The following PHF3 variants were observed in gnomAD, a reference collection of about 807,000 sequenced individuals.
PHF3 encodes the protein PHD finger protein 3.
PHF3 carries 41 observed loss-of-function variants against 178.4 expected under a neutral mutation model. The observed-to-expected ratio is 0.23, with a 90% CI of 0.18 to 0.30. PHF3 has a LOEUF of 0.30. PHF3 is among the 10% of genes least tolerant of loss of function. The probability of loss-of-function intolerance (pLI) is 1.00; values close to 1 mark genes in which losing one functional copy is unlikely to be tolerated. For synonymous variants in PHF3, 842 were observed against 800.5 expected, an observed-to-expected ratio of 1.05 and a Z score of -0.88; for missense variants, 2,346 against 2,398.1, an observed-to-expected ratio of 0.98 and a Z score of 0.45.
At chr6:63,671,022 G>A (rs1465585910) in intron 2 of PHF3, among the ~76,000 whole-genome samples, 1 of 151,920 alleles carries the variant, frequency 6.6e-6, no homozygotes, top group African/African-American at 2.4e-5. Flanking sequence ...GTTACAGAAT[G>A]AAGTGCCTAG....
chr6:63,661,616 C>T (rs1049384790), intron 2 of PHF3, among the ~76,000 whole-genome samples: 4 of 152,122 alleles, frequency 2.6e-5, no homozygotes, highest in African/African-American at 4.8e-5. Context: ...CAGGGGCTAA[C>T]ATCATGGTCT....
In PHF3 at chr6:63,659,687, C is replaced by T. The variant is rs983665272; in HGVS notation, c.244+12892C>T. Among the ~76,000 whole-genome samples the T allele has an allele frequency of 7.2e-5, 11 of 152,142 alleles. No homozygotes were observed. In the South Asian group the frequency reaches 1.4e-3, roughly 20 times the overall value. On this transcript the variant is annotated intron_variant, in intron 2 of 15. Coordinates refer to ENST00000262043, the MANE Select transcript of PHF3 (RefSeq NM_001370348.2). The stretch of plus-strand genomic sequence containing the variant: ...TTTTGGTATTTGCATTATACTTACT[C>T]GTTCAGCAAGCCAGCCTAATCTGAA...
intron 2 of PHF3, among the ~76,000 whole-genome samples, chr6:63,678,419 G>A (rs1766278703): frequency 6.6e-6 from 1 of 152,038 alleles, no homozygotes; most frequent in Non-Finnish European, 1.5e-5. Flanking sequence ...CAAACTTTTA[G>A]CGCATAGCAT....
At chr6:63,688,944 A>G (rs1339126911) in intron 4 of PHF3, among the ~76,000 whole-genome samples, 2 of 152,198 alleles carry the variant, frequency 1.3e-5, no homozygotes, top group Non-Finnish European at 2.9e-5. Flanking sequence ...CATTTTACGT[A>G]TTGCAGTTGA....
intron 2 of PHF3, among the ~76,000 whole-genome samples, chr6:63,649,638 CAT>C (rs1324985557): frequency 6.6e-6 from 1 of 152,112 alleles, no homozygotes; most frequent in Non-Finnish European, 1.5e-5. Context: ...AAATAAGAAA[CAT>C]AGAAGATTAC....
At chr6:63,707,433 A>G (rs1403883353) in intron 13 of PHF3, among the ~76,000 whole-genome samples, 1 of 152,196 alleles carries the variant, frequency 6.6e-6, no homozygotes, top group Non-Finnish European at 1.5e-5. Flanking sequence ...TGAGGGAAAT[A>G]GAAAGAAACT....
At chr6:63,707,722 TGTC>T (rs1453260708) in intron 13 of PHF3, among the ~76,000 whole-genome samples, 2 of 149,124 alleles carry the variant, frequency 1.3e-5, no homozygotes, top group African/African-American at 5.0e-5. Context: ...ATCATTTGCC[TGTC>T]TTTTTTTTTT....
chr6:63,703,828 G>A (rs562356561), intron 11 of PHF3, among the ~76,000 whole-genome samples, 157 bp downstream of exon 11: 3 of 152,246 alleles, frequency 2.0e-5, no homozygotes, highest in Non-Finnish European at 4.4e-5. Context: ...GGTTTTCTGG[G>A]TTGAGGTATA....
At chr6:63,669,617 A>G (rs1424298785) in intron 2 of PHF3, among the ~76,000 whole-genome samples, 1 of 152,234 alleles carries the variant, frequency 6.6e-6, no homozygotes, top group Non-Finnish European at 1.5e-5. Context: ...ACATGGACAA[A>G]TAAACCATAT....
chr6:63,711,402 C>T, intron 15 of PHF3, 40 bp downstream of exon 15: 1 of 1,500,880 alleles, frequency 6.7e-7, no homozygotes, highest in Non-Finnish European at 9.1e-7. Context: ...AATGAAATAA[C>T]ATGGGAGGTG....
intron 8 of PHF3, among the ~76,000 whole-genome samples, chr6:63,699,242 C>A (rs1239123451): frequency 6.6e-6 from 1 of 152,080 alleles, no homozygotes; most frequent in African/African-American, 2.4e-5. Context: ...CTGATAAGTA[C>A]AATAAGCAAA....
chr6:63,650,904 T>G (rs1764991363), intron 2 of PHF3, among the ~76,000 whole-genome samples: 1 of 150,904 alleles, frequency 6.6e-6, no homozygotes, highest in South Asian at 2.1e-4. Flanking sequence ...TATTACTCCC[T>G]ATTTGTACTT....
rs35547668 is a variant in PHF3, at chr6:63,694,752, G to C, written c.2668G>C (p.Ala890Pro). 2,391 of 1,494,262 alleles carry C rather than the reference G, an allele frequency of 1.6e-3. 2 individuals are homozygous for C. Among genetic ancestry groups the C allele is most frequent in the Admixed American group, 2.4e-3 (106 of 44,716 alleles). 92.6% of individuals were successfully genotyped at this position (1,494,262 alleles called of 1,614,324 possible). A position where few individuals can be genotyped will look rare whatever the true frequency, so the allele number is the denominator to read the frequency against. ...AACTGTTACTTGCACAGGAGAAAAA[G>C]CTTCAAAACCAGGTAGTGAGATGAA... ...STTVTCTGEKASKPGTHEKQE... is the reference protein window; with the variant it reads ...STTVTCTGEKPSKPGTHEKQE... Residue 890 changes from alanine (A) to proline (P), a missense_variant, in exon 6 of 16, where the codon GCT becomes CCT. Physicochemically the swap from Ala to Pro is conservative, Grantham distance 27. This residue lies in a region of PHF3 where 252 missense variants were observed against 232.0 expected (regional missense o/e 1.09). Coordinates refer to ENST00000262043, the MANE Select transcript of PHF3 (RefSeq NM_001370348.2).
chr6:63,655,487 A>G (rs1765196029), intron 2 of PHF3, among the ~76,000 whole-genome samples: 1 of 152,152 alleles, frequency 6.6e-6, no homozygotes, highest in African/African-American at 2.4e-5. Context: ...TGCTGGGATT[A>G]TAGGCATGTG....
chr6:63,655,059 A>AATC (rs1561943601), intron 2 of PHF3, among the ~76,000 whole-genome samples: 7 of 150,950 alleles, frequency 4.6e-5, no homozygotes, highest in Non-Finnish European at 3.0e-5. Flanking sequence ...ACGCCCTGCT[A>AATC]ATTATTATTA....
rs1300140986 is a variant in PHF3, at chr6:63,716,224, C to G, written c.*2516C>G. On this transcript the variant is annotated 3_prime_UTR_variant, in exon 16 of 16. Coordinates refer to ENST00000262043, the MANE Select transcript of PHF3 (RefSeq NM_001370348.2). ...TGGGAAACTTGGCCAGGTTACCCTG[C>G]TGTTGTCAGAGCAGGAATCCTACCT... Among the ~76,000 whole-genome samples, 1 of 152,176 alleles carries G rather than the reference C, an allele frequency of 6.6e-6. No individual in the cohort carries two copies. Among genetic ancestry groups the G allele is most frequent in the Non-Finnish European group, 1.5e-5 (1 of 68,016 alleles).
intron 2 of PHF3, among the ~76,000 whole-genome samples, chr6:63,671,139 G>A (rs761266649): frequency 6.6e-6 from 1 of 151,622 alleles, no homozygotes; most frequent in Non-Finnish European, 1.5e-5. Flanking sequence ...CTGTTTTACA[G>A]TAACGTGATT....
At chr6:63,636,191 C>T (rs1373134736) in intron 1 of PHF3, 41 bp downstream of exon 1, 2 of 371,252 alleles carry the variant, frequency 5.4e-6, no homozygotes, top group Non-Finnish European at 9.6e-6. Flanking sequence ...GACGGGCAAT[C>T]CTCCCCTCCC....
At chr6:63,668,780 G>A (rs1038366674) in intron 2 of PHF3, among the ~76,000 whole-genome samples, 6 of 152,008 alleles carry the variant, frequency 3.9e-5, no homozygotes, top group African/African-American at 1.4e-4. Flanking sequence ...TTTTAATTGT[G>A]TGTTCCATTG....
Sources: allele counts gnomAD v4.1 joint callset (sites outside exome capture counted in the v4.1 genomes callset), GRCh38; gene constraint gnomAD v4.1.1; regional missense constraint gnomAD v4.1.1; transcripts MANE v1.5; gene names NCBI Gene and HGNC (gene_info 2026-07-23, HGNC 2026-07-21).